Variants in METTL5 observed in about 807,000 individuals in gnomAD.
METTL5 encodes methyltransferase 5, N6-adenosine, also known as rRNA N(6)-adenosine-methyltransferase METTL5.
Under a neutral mutation model 26.5 loss-of-function variants are expected in METTL5, and 28 were observed. The ratio of observed to expected loss-of-function variants is 1.06; its 90% CI spans 0.78 to 1.45. The LOEUF (loss-of-function observed/expected upper bound fraction) is 1.45, where lower values mean the gene tolerates loss of function less well. Among genes scored for constraint, METTL5 ranks in the 40% most tolerant of loss-of-function variants. METTL5 has a pLI of 0.00. For synonymous variants in METTL5, 86 were observed against 82.6 expected (o/e 1.04, Z -0.22); for missense variants, 231 against 249.9 (o/e 0.92, Z 0.51).
intron 4 of METTL5, among the ~76,000 whole-genome samples, chr2:169,817,128 T>C (rs1331973063): frequency 6.6e-6 from 1 of 151,768 alleles, no homozygotes; most frequent in Non-Finnish European, 1.5e-5. Context: ...GCAAAAGATA[T>C]GAACAGACAC....
intron 2 of METTL5, 150 bp downstream of exon 2, chr2:169,821,793 A>G: frequency 1.6e-6 from 1 of 634,072 alleles, no homozygotes; most frequent in Non-Finnish European, 2.7e-6. Context: ...GTTTGTTTAG[A>G]TCTTCTGCCC....
At chr2:169,821,404 T>G in intron 2 of METTL5, 131 bp from the exon 3 acceptor site, 1 of 679,876 alleles carries the variant, frequency 1.5e-6, no homozygotes, top group Non-Finnish European at 2.4e-6. Flanking sequence ...GTGAGTGTTT[T>G]CTTCTTTTTT....
intron 4 of METTL5, 37 bp from the exon 5 acceptor site, chr2:169,815,565 T>G: frequency 6.8e-7 from 1 of 1,479,176 alleles, no homozygotes; most frequent in Non-Finnish European, 9.2e-7. Context: ...AGCTGATTTT[T>G]AAATAATGAT....
chr2:169,821,414 T>C (rs746672143), intron 2 of METTL5, 141 bp from the exon 3 acceptor site: 37 of 649,352 alleles, frequency 5.7e-5, no homozygotes, highest in Non-Finnish European at 8.8e-5. Flanking sequence ...TCTTCTTTTT[T>C]TTTTTCTTTT....
intron 5 of METTL5, chr2:169,812,921 C>T (rs958995081): frequency 3.9e-5 from 6 of 154,834 alleles, no homozygotes; most frequent in Non-Finnish European, 7.1e-5. Flanking sequence ...AGCTCTAAAA[C>T]GAAAACCAGT....
Position 169,824,837 on chromosome 2 carries a change from C to T in METTL5, c.-240G>A. The stretch of plus-strand genomic sequence containing the variant: ...CGGCGGCGGCGCACTGCTGGAGCAG[C>T]CTCAGGATCCCTCGCGCCACGACCA... On this transcript the variant is annotated 5_prime_UTR_variant, in exon 1 of 7. Transcript: ENST00000260953. 2 of 378,724 alleles carry T rather than the reference C, an allele frequency of 5.3e-6. No individual in the cohort carries two copies. Among genetic ancestry groups the T allele is most frequent in the South Asian group, 3.4e-5 (1 of 29,040 alleles). The allele number at this position is 378,724 out of a possible 1,614,324, so 23.5% of individuals were successfully genotyped here.
intron 1 of METTL5, 200 bp downstream of exon 1, chr2:169,824,289 G>C: frequency 1.9e-6 from 1 of 536,584 alleles, no homozygotes; most frequent in African/African-American, 1.9e-5. Context: ...CAGAAAACTA[G>C]ACAGTAAAAT....
At position 169,812,002 on chromosome 2, in the gene METTL5, A is replaced by G. The variant is rs907115659; in HGVS notation, c.592-144T>C. ...GATTCTTCCATTAAATTGCCTTTGT[A>G]ATATGAGAATGTATTAGTACAAACT... On this transcript the variant is annotated intron_variant, in intron 6 of 6. Coordinates refer to ENST00000260953, the MANE Select transcript of METTL5 (RefSeq NM_014168.4). The G allele has an allele frequency of 1.0e-5, 9 of 898,054 alleles. No homozygotes were observed. The African/African-American group carries it at 1.5e-4, about 15-fold the overall frequency. 55.6% of individuals were successfully genotyped at this position (898,054 alleles called of 1,614,324 possible).
At chr2:169,812,661 A>G (rs1334441800) in intron 5 of METTL5, 155 bp from the exon 6 acceptor site, 5 of 717,656 alleles carry the variant, frequency 7.0e-6, no homozygotes, top group Non-Finnish European at 1.1e-5. Flanking sequence ...TGACTTCTGT[A>G]TTCCTAGCAT....
At chr2:169,821,574 T>A (rs2081586149) in intron 2 of METTL5, among the ~76,000 whole-genome samples, 1 of 152,024 alleles carries the variant, frequency 6.6e-6, no homozygotes, top group Non-Finnish European at 1.5e-5. Context: ...TTTGTAGACA[T>A]GGGATTTCAC....
chr2:169,813,312 G>C (rs1690041385), intron 5 of METTL5: 1 of 151,668 alleles, frequency 6.6e-6, no homozygotes. Flanking sequence ...GTATTTTTTA[G>C]TAGAGACAGG....
chr2:169,816,412 G>A (rs766115026), intron 4 of METTL5, among the ~76,000 whole-genome samples: 2 of 151,954 alleles, frequency 1.3e-5, no homozygotes, highest in African/African-American at 2.4e-5. Context: ...ACCATCAAGC[G>A]ACCACTGACT....
chr2:169,824,292 A>T (rs1222289048), intron 1 of METTL5, 197 bp downstream of exon 1: 1 of 540,536 alleles, frequency 1.9e-6, no homozygotes, highest in Non-Finnish European at 3.3e-6. Context: ...AAAACTAGAC[A>T]GTAAAATGAT....
intron 5 of METTL5, among the ~76,000 whole-genome samples, chr2:169,814,795 T>C (rs1297866020): frequency 1.3e-5 from 2 of 151,986 alleles, no homozygotes; most frequent in Admixed American, 6.6e-5. Context: ...CAGGATAGTC[T>C]CAATTTCCTG....
chr2:169,816,790 A>C (rs759127558), intron 4 of METTL5, among the ~76,000 whole-genome samples: 3 of 152,214 alleles, frequency 2.0e-5, no homozygotes, highest in Non-Finnish European at 4.4e-5. Flanking sequence ...TTACATGAAA[A>C]TTAACTCAAG....
Position 169,824,781 on chromosome 2 carries a change from C to T in METTL5, c.-184G>A. 1.9e-6 allele frequency: 1 copy of T among 535,916 alleles called. No homozygotes were observed. Among genetic ancestry groups the T allele is most frequent in the Non-Finnish European group, 3.4e-6 (1 of 297,452 alleles). 33.2% of individuals were successfully genotyped at this position (535,916 alleles called of 1,614,324 possible). On this transcript the variant is annotated 5_prime_UTR_variant, in exon 1 of 7. The change creates a new upstream start codon in the 5' untranslated region. Transcript: ENST00000260953. ...GGGCACGGGGCGAGCCTCTGACCCA[C>T]CTCCCGGCTAACCCAAGCCGCCCCA...
At chr2:169,824,323 G>A (rs2081623642) in intron 1 of METTL5, 166 bp downstream of exon 1, 1 of 605,272 alleles carries the variant, frequency 1.7e-6, no homozygotes, top group African/African-American at 1.8e-5. Context: ...TCTGTGGAGG[G>A]TGTGCCTTGA....
At chr2:169,815,419 T>C (rs2081491907) in intron 5 of METTL5, 58 bp downstream of exon 5, 1 of 1,261,232 alleles carries the variant, frequency 7.9e-7, no homozygotes. Context: ...GCATGAAAAT[T>C]TTGGTTGGGC....
In METTL5 at chr2:169,811,834, G is replaced by A. The variant is rs756519819; in HGVS notation, c.616C>T (p.Arg206Trp). ...KSVDIEVDLI[R>W]FSF ...TTGCGGGGCTTTTAAAAGGAAAACC[G>A]AATTAGGTCCACTTCAATGTCCACC... The change falls in exon 7 of 7, where the codon CGG (arginine) becomes TGG (tryptophan). Residue 206 changes from arginine (R) to tryptophan (W), a missense_variant. Arg to Trp is a moderately radical substitution (Grantham distance 101, BLOSUM62 -3). Coordinates refer to ENST00000260953, the MANE Select transcript of METTL5 (RefSeq NM_014168.4). The A allele has an allele frequency of 5.0e-6, 8 of 1,613,452 alleles. No homozygotes were observed. Among genetic ancestry groups the A allele is most frequent in the Admixed American group, 3.3e-5 (2 of 59,948 alleles).
Sources: gnomAD v4.1 joint callset for allele counts (sites outside exome capture counted in the v4.1 genomes callset) on GRCh38, gnomAD v4.1.1 for gene constraint, MANE v1.5 for transcripts, NCBI Gene and HGNC (gene_info 2026-07-23, HGNC 2026-07-21) for gene names.